PRSS55: variants seen among roughly 807,000 people sequenced by gnomAD.
PRSS55 encodes the protein serine protease 55.
PRSS55 carries 41 observed loss-of-function variants against 23.6 expected under a neutral mutation model. The ratio of observed to expected loss-of-function variants is 1.74; its 90% CI spans 1.35 to 2.26. The LOEUF (loss-of-function observed/expected upper bound fraction) is 2.26, where lower values mean the gene tolerates loss of function less well. Among genes scored for constraint, PRSS55 ranks in the 30% most tolerant of loss-of-function variants. PRSS55 has a pLI of 0.00. For missense variants in PRSS55, 669 were observed against 439.1 expected (o/e 1.52, Z -4.68); for synonymous variants, 262 against 175.5 (o/e 1.49, Z -3.90).
intron 4 of PRSS55, among the ~76,000 whole-genome samples, chr8:10,549,473 G>C (rs180999583): frequency 1.3e-5 from 2 of 152,224 alleles, no homozygotes; most frequent in South Asian, 2.1e-4. Flanking sequence ...GGCTGGGTAC[G>C]GGGCTAAGCC....
rs1812141484 is a variant in PRSS55 at position 10,528,975 on chromosome 8, T to G, written c.155-532T>G. On this transcript the variant is annotated intron_variant, in intron 1 of 4. Transcript: ENST00000328655. ...CTGACTTCCTGCTTCCCTCCACCCC[T>G]CTCAAGGGCCTCAGTGATTCCACTG... Among the ~76,000 whole-genome samples the G allele has an allele frequency of 2.0e-5, 3 of 152,192 alleles. No individual in the cohort carries two copies. The South Asian group carries it at 6.2e-4, about 32-fold the overall frequency.
At chr8:10,528,048 C>T (rs1812099541) in intron 1 of PRSS55, among the ~76,000 whole-genome samples, 1 of 152,048 alleles carries the variant, frequency 6.6e-6, no homozygotes, top group African/African-American at 2.4e-5. Flanking sequence ...AACCCTGTCT[C>T]TACTAAAAAA....
chr8:10,527,796 G>A (rs1214076693), intron 1 of PRSS55, among the ~76,000 whole-genome samples: 2 of 152,172 alleles, frequency 1.3e-5, no homozygotes, highest in Non-Finnish European at 2.9e-5. Flanking sequence ...AAATAAGAGG[G>A]CCTACCTCAA....
At chr8:10,545,482 C>T (rs1032527833) in intron 4 of PRSS55, among the ~76,000 whole-genome samples, 3 of 152,166 alleles carry the variant, frequency 2.0e-5, no homozygotes, top group African/African-American at 4.8e-5. Flanking sequence ...TAAGCATTTA[C>T]TCTCCATTTC....
At chr8:10,553,332 A>G (rs1812992593) in intron 4 of PRSS55, among the ~76,000 whole-genome samples, 2 of 152,134 alleles carry the variant, frequency 1.3e-5, no homozygotes, top group South Asian at 4.1e-4. Context: ...TTAATAAATT[A>G]CCTAGTTTTG....
intron 4 of PRSS55, among the ~76,000 whole-genome samples, chr8:10,549,464 G>C (rs1812903410): frequency 6.6e-6 from 1 of 152,228 alleles, no homozygotes; most frequent in Admixed American, 6.5e-5. Context: ...TGGGATGTGG[G>C]CTGGGTACGG....
At chr8:10,533,080 G>A (rs758950021) in intron 4 of PRSS55, 32 bp downstream of exon 4, 17 of 1,611,558 alleles carry the variant, frequency 1.1e-5, no homozygotes, top group Non-Finnish European at 1.4e-5. Context: ...TCACCTTATA[G>A]GTCCTCACCC....
chr8:10,543,473 T>C (rs1812725207), downstream of PRSS55, among the ~76,000 whole-genome samples: 2 of 64,662 alleles, frequency 3.1e-5, no homozygotes, highest in South Asian at 1.8e-3. Flanking sequence ...CCTTTCTTTC[T>C]TTCTCTCTTT....
At position 10,531,361 on chromosome 8, in the gene PRSS55, G is replaced by C. The variant is rs1044835156; in HGVS notation, c.414G>C (p.Glu138Asp). 6.2e-7 allele frequency: 1 copy of C among 1,614,154 alleles called. No individual in the cohort carries two copies. Among genetic ancestry groups the C allele is most frequent in the Non-Finnish European group, 8.5e-7 (1 of 1,180,038 alleles). The stretch of plus-strand genomic sequence containing the variant: ...CTAGCCCATCCATGGAAATAAAGGA[G>C]GTCGCCAGCATCATTCTTCACAAAG... ...DLTSPSMEIK[E>D]VASIILHKDF... Residue 138 changes from glutamate (E) to aspartate (D), a missense_variant, in exon 3 of 5, where the codon GAG becomes GAC. By Grantham distance (45) the Glu-to-Asp change is conservative. Transcript: ENST00000328655.
intron 4 of PRSS55, among the ~76,000 whole-genome samples, chr8:10,552,003 T>C (rs1157138818): frequency 2.6e-5 from 4 of 152,214 alleles, no homozygotes; most frequent in Non-Finnish European, 4.4e-5. Flanking sequence ...GGTGTGGAGA[T>C]GCACGGCAGA....
chr8:10,531,203 A>C (rs566917936), intron 2 of PRSS55, 92 bp from the exon 3 acceptor site: 1 of 1,493,208 alleles, frequency 6.7e-7, no homozygotes, highest in Non-Finnish European at 9.2e-7. Flanking sequence ...CTAGAGCTAC[A>C]TGGGATTTAG....
rs560455180 is a variant in PRSS55 at position 10,531,451 on chromosome 8, C to A, written c.504C>A (p.Leu168=). 6.2e-7 allele frequency: 1 copy of A among 1,614,178 alleles called. No homozygotes were observed. ...ALLLLASPIK[L]DDLKVPICLP... is the part of the protein sequence containing the mutation. ...TGCTGCTGGCTTCGCCCATCAAGCT[C>A]GATGACCTGAAGGTGCCCATCTGCC... The change falls in exon 3 of 5, where the codon CTC becomes CTA. Residue 168 remains leucine (L), a synonymous_variant. Coordinates refer to ENST00000328655, the MANE Select transcript of PRSS55 (RefSeq NM_198464.4).
chr8:10,553,082 A>G (rs1332668220), intron 4 of PRSS55, among the ~76,000 whole-genome samples: 1 of 152,082 alleles, frequency 6.6e-6, no homozygotes, highest in Non-Finnish European at 1.5e-5. Flanking sequence ...AGAGGGTGGG[A>G]CCTGGTGGGA....
At chr8:10,526,511 C>A (rs868096076) in intron 1 of PRSS55, among the ~76,000 whole-genome samples, 4 of 152,210 alleles carry the variant, frequency 2.6e-5, no homozygotes, top group African/African-American at 9.7e-5. Flanking sequence ...GGGTGGGAGG[C>A]ATGAGGGGAG....
At chr8:10,550,588 CA>C (rs993068379) in intron 4 of PRSS55, among the ~76,000 whole-genome samples, 83 of 152,272 alleles carry the variant, frequency 5.5e-4, no homozygotes, top group Admixed American at 1.5e-3. Flanking sequence ...CACAGGGACC[CA>C]ATCTCTGCCT....
chr8:10,554,137 C>A, exon 5 of PRSS55: 1 of 646,122 alleles, frequency 1.5e-6, no homozygotes, highest in Non-Finnish European at 2.4e-6. Flanking sequence ...GTCCAAATGA[C>A]TGAAAAAATG....
Position 10,538,468 on chromosome 8 carries a change from G to A in PRSS55, c.742-8G>A, listed in dbSNP as rs201692166. 8.8e-4 allele frequency: 1,413 copies of A among 1,604,388 alleles called. 12 individuals are homozygous for A. The highest frequency in any genetic ancestry group is 5.3e-4 in the Non-Finnish European group (625 of 1,173,266). Reference sequence around the variant, plus strand: ...GACTCCCTGCTGAGCTGTGTTCTCTGCCCACAGGGTGACAGTGGGGGGCCT... The same window carrying A: ...GACTCCCTGCTGAGCTGTGTTCTCTACCCACAGGGTGACAGTGGGGGGCCT... On this transcript the variant is annotated splice_region_variant and splice_polypyrimidine_tract_variant and intron_variant, in intron 4 of 4. Coordinates refer to ENST00000328655, the MANE Select transcript of PRSS55 (RefSeq NM_198464.4).
intron 4 of PRSS55, among the ~76,000 whole-genome samples, chr8:10,546,697 CAAA>C (rs575766098): frequency 1.3e-5 from 2 of 151,866 alleles, no homozygotes; most frequent in Non-Finnish European, 2.9e-5. Context: ...AACAAACAAA[CAAA>C]AAACACAGGG....
chr8:10,536,014 G>A (rs1314269399), intron 4 of PRSS55, among the ~76,000 whole-genome samples: 9 of 152,236 alleles, frequency 5.9e-5, no homozygotes, highest in African/African-American at 1.4e-4. Context: ...GTGAAACCCC[G>A]TCTCTACTGA....
Sources: allele counts gnomAD v4.1 joint callset (sites outside exome capture counted in the v4.1 genomes callset), GRCh38; gene constraint gnomAD v4.1.1; transcripts MANE v1.5; gene names NCBI Gene and HGNC (gene_info 2026-07-23, HGNC 2026-07-21).